Variants in MPP1 observed in about 807,000 individuals in gnomAD.
MPP1 encodes MAGUK p55 scaffold protein 1.
MPP1 carries 6 observed loss-of-function variants against 38.2 expected under a neutral mutation model. The observed-to-expected ratio is 0.16, with a 90% CI of 0.09 to 0.31. The LOEUF (loss-of-function observed/expected upper bound fraction) is 0.31. Ranked by LOEUF, MPP1 falls within the 10% of genes least tolerant of loss-of-function variation. The pLI is 1.00. For synonymous variants in MPP1, 153 were observed against 146.3 expected (o/e 1.05, Z -0.33); for missense variants, 293 against 368.9 (o/e 0.79, Z 1.69).
chrX:154,783,918 C>T, intron 8 of MPP1, 110 bp downstream of exon 8: 1 of 694,343 alleles, frequency 1.4e-6, no homozygotes, highest in Non-Finnish European at 2.2e-6. Context: ...ATATGGAGAA[C>T]CCAAGAGACC....
chrX:154,796,223 T>C (rs977057474), intron 1 of MPP1, among the ~76,000 whole-genome samples: 2 of 109,994 alleles, frequency 1.8e-5, no homozygotes, highest in Non-Finnish European at 1.9e-5. Context: ...CTCCGCCTCC[T>C]GGGTTCAAGC....
At chrX:154,787,135 CA>C (rs1569558862) in intron 5 of MPP1, among the ~76,000 whole-genome samples, 40 of 108,384 alleles carry the variant, frequency 3.7e-4, no homozygotes, top group Non-Finnish European at 4.8e-4. Flanking sequence ...CACACACACA[CA>C]CACACACACA....
intron 1 of MPP1, among the ~76,000 whole-genome samples, chrX:154,794,763 CATTTCTAAGGGACTCTG>C (rs1295892670): frequency 3.6e-5 from 4 of 112,307 alleles, no homozygotes; most frequent in South Asian, 7.3e-4. Context: ...AGGCTTACAT[CATTTCTAAGGGACTCTG>C]ATTTCTAAGT....
chrX:154,788,051 C>T (rs1259121565), intron 5 of MPP1, among the ~76,000 whole-genome samples: 2 of 112,434 alleles, frequency 1.8e-5, no homozygotes, highest in African/African-American at 6.5e-5. Context: ...AACAATCAAT[C>T]CCAGATGGGT....
chrX:154,787,146 A>ACC (rs199521645), intron 5 of MPP1, among the ~76,000 whole-genome samples: 11 of 83,976 alleles, frequency 1.3e-4, no homozygotes, highest in Non-Finnish European at 1.9e-4. Flanking sequence ...ACACACACAC[A>ACC]CCTACCTCAT....
chrX:154,798,784 G>C (rs782208882), intron 1 of MPP1, among the ~76,000 whole-genome samples: 9 of 110,625 alleles, frequency 8.1e-5, no homozygotes, highest in Non-Finnish European at 1.5e-4. Context: ...GCCCAGGCTG[G>C]AGTGCAATGG....
chrX:154,779,448 C>T, intron 11 of MPP1, 95 bp from the exon 12 acceptor site: 1 of 814,461 alleles, frequency 1.2e-6, no homozygotes. Flanking sequence ...TAGCGTTGCT[C>T]AGCTGTGCAT....
In MPP1 at chrX:154,799,201, C is replaced by T. The variant is rs189541126; in HGVS notation, c.102+6071G>A. ...TTTCAGATGTGCTTATCCAACAAGA[C>T]GTTCCTCTTTACGATGACTAAGAGT... On this transcript the variant is annotated intron_variant, in intron 1 of 11. Transcript: ENST00000369534. Among the ~76,000 whole-genome samples, 3 of 112,484 alleles carry T rather than the reference C, an allele frequency of 2.7e-5. No individual in the cohort carries two copies. In the Admixed American group the frequency reaches 2.8e-4, roughly 11 times the overall value.
chrX:154,795,053 G>T (rs1449928504), intron 1 of MPP1, among the ~76,000 whole-genome samples: 10 of 111,733 alleles, frequency 8.9e-5, no homozygotes, highest in Admixed American at 5.7e-4. Context: ...AGTGAGCCAT[G>T]ATCACACCAC....
Position 154,781,443 on chromosome X carries a change from C to T in MPP1, c.1150-130G>A, listed in dbSNP as rs1304744737. On this transcript the variant is annotated intron_variant, in intron 10 of 11. Coordinates refer to ENST00000369534, the MANE Select transcript of MPP1 (RefSeq NM_002436.4). ...AGCTTTGAGCTTTACCCCAATACAA[C>T]TTTCCATCATTCCCAGTACTACTGT... is the stretch of plus-strand genomic sequence containing the variant. 5.1e-6 allele frequency: 4 copies of T among 784,864 alleles called. No homozygotes were observed. The Admixed American group carries it at 1.1e-4, about 21-fold the overall frequency. The allele number at this position is 784,864 out of a possible 1,213,427, so 64.7% of individuals were successfully genotyped here.
At chrX:154,788,696 CAT>C (rs1272031962) in intron 5 of MPP1, among the ~76,000 whole-genome samples, 1 of 112,160 alleles carries the variant, frequency 8.9e-6, no homozygotes, top group African/African-American at 3.2e-5. Flanking sequence ...GCACAAAAAT[CAT>C]ATGATTTTTC....
chrX:154,796,894 A>T (rs957439235), intron 1 of MPP1, among the ~76,000 whole-genome samples: 5 of 111,061 alleles, frequency 4.5e-5, no homozygotes, highest in Non-Finnish European at 9.4e-5. Context: ...CATTACATAA[A>T]GTTCCAAGCC....
At chrX:154,799,788 T>G (rs2072241426) in intron 1 of MPP1, 3 of 1,165,749 alleles carry the variant, frequency 2.6e-6, no homozygotes, top group African/African-American at 3.6e-5. Flanking sequence ...CTCTGGCCTT[T>G]AATCAGACAA....
In MPP1 at chrX:154,781,233, C is replaced by T. The variant is rs367615785; in HGVS notation, c.1224+6G>A. 7 of 1,201,180 alleles carry T rather than the reference C, an allele frequency of 5.8e-6. No individual in the cohort carries two copies. In the East Asian group the frequency reaches 1.5e-4, roughly 25 times the overall value. On this transcript the variant is annotated splice_donor_region_variant and intron_variant, in intron 11 of 11. Coordinates refer to ENST00000369534, the MANE Select transcript of MPP1 (RefSeq NM_002436.4). ...GAACTACCCATCGCGCACAACCTCT[C>T]CTCACCTGAGTGCCCTGGTCAGTAG...
At chrX:154,803,192 T>C (rs2072284741) in intron 1 of MPP1, among the ~76,000 whole-genome samples, 1 of 112,335 alleles carries the variant, frequency 8.9e-6, no homozygotes, top group African/African-American at 3.2e-5. Flanking sequence ...CAGCAAAGAC[T>C]GGTAAGAGCC....
intron 1 of MPP1, among the ~76,000 whole-genome samples, chrX:154,792,696 G>A (rs2072156014): frequency 9.0e-6 from 1 of 110,612 alleles, no homozygotes; most frequent in Admixed American, 9.7e-5. Flanking sequence ...GGCTCCAAGG[G>A]TTTCTGGCAT....
intron 5 of MPP1, among the ~76,000 whole-genome samples, chrX:154,786,752 T>C (rs1378332877): frequency 1.2e-4 from 13 of 108,462 alleles, no homozygotes; most frequent in African/African-American, 1.7e-4. Flanking sequence ...AAAAATTAGC[T>C]GGGTGTGGTG....
chrX:154,781,765 C>T lies in MPP1; in HGVS notation c.984G>A (p.Gly328=), dbSNP rs782091002. The T allele has an allele frequency of 6.6e-6, 8 of 1,211,865 alleles. No homozygotes were observed. The South Asian group carries it at 1.2e-4, about 19-fold the overall frequency. Reference sequence around the variant, plus strand: ...CCGTTGAGATAAAGTGGTACTCCTTCCCATCTTCCTCACTCTTCCTTGGCG... The same window carrying T: ...CCGTTGAGATAAAGTGGTACTCCTTTCCATCTTCCTCACTCTTCCTTGGCG... ...TRPPRKSEED[G]KEYHFISTEE... is the part of the protein sequence containing the mutation. The change falls in exon 10 of 12, where the codon GGG becomes GGA. Residue 328 remains glycine, a synonymous_variant. Transcript: ENST00000369534.
At chrX:154,795,388 C>T (rs1358349345) in intron 1 of MPP1, among the ~76,000 whole-genome samples, 5 of 111,048 alleles carry the variant, frequency 4.5e-5, no homozygotes, top group African/African-American at 1.6e-4. Context: ...TATTGTTAAG[C>T]AAAAAATAAT....
Sources: gnomAD v4.1 joint callset for allele counts (sites outside exome capture counted in the v4.1 genomes callset) on GRCh38, gnomAD v4.1.1 for gene constraint, MANE v1.5 for transcripts, NCBI Gene and HGNC (gene_info 2026-07-23, HGNC 2026-07-21) for gene names.